Variants in AKT3 observed in about 807,000 individuals in gnomAD.
The protein encoded by AKT3 is RAC-gamma serine/threonine-protein kinase.
AKT3 carries 15 observed loss-of-function variants against 65.3 expected under a neutral mutation model. That is an observed-to-expected ratio of 0.23 (90% CI 0.15 to 0.35). The LOEUF is 0.35. AKT3 is among the 10% of genes least tolerant of loss of function. The probability of loss-of-function intolerance (pLI) is 1.00; values close to 1 mark genes in which losing one functional copy is unlikely to be tolerated. For synonymous variants in AKT3, 206 were observed against 183.8 expected, an observed-to-expected ratio of 1.12 and a Z score of -0.98; for missense variants, 243 against 576.5, an observed-to-expected ratio of 0.42 and a Z score of 5.92.
chr1:243,832,661 C>T (rs1466665401), intron 2 of AKT3, among the ~76,000 whole-genome samples: 1 of 152,158 alleles, frequency 6.6e-6, no homozygotes, highest in Admixed American at 6.5e-5. Context: ...GGCGCTCTCC[C>T]ATTCCTTGAA....
At chr1:243,824,015 A>G (rs1364764038) in intron 2 of AKT3, among the ~76,000 whole-genome samples, 1 of 152,234 alleles carries the variant, frequency 6.6e-6, no homozygotes, top group Admixed American at 6.5e-5. Flanking sequence ...ACTATACTAC[A>G]TGGCTACAGA....
In AKT3 at chr1:243,625,753, T is replaced by A. The variant is rs114664059; in HGVS notation, c.562-10592A>T. Among the ~76,000 whole-genome samples the A allele has an allele frequency of 2.7e-3, 405 of 152,258 alleles. 1 individual carries two copies. Among genetic ancestry groups the A allele is most frequent in the African/African-American group, 9.0e-3 (376 of 41,566 alleles). ...TAAGAAAATAGATTGTGAGAGTGAC[T>A]AACTTGGGAGCAGTATCTTTGATTC... On this transcript the variant is annotated intron_variant, in intron 6 of 13. Coordinates refer to ENST00000673466, the MANE Select transcript of AKT3 (RefSeq NM_005465.7).
At chr1:243,843,634 C>A in intron 1 of AKT3, 1 of 879,570 alleles carries the variant, frequency 1.1e-6, no homozygotes, top group Non-Finnish European at 1.4e-6. Context: ...CCTGTAATTT[C>A]AGAAGCAATT....
At chr1:243,656,103 C>T (rs77474505) in intron 4 of AKT3, among the ~76,000 whole-genome samples, 178 of 17,224 alleles carry the variant, frequency 0.01, no homozygotes, top group Middle Eastern at 0.083. Flanking sequence ...GAGGGTGTGG[C>T]GGGGGGGTGT....
At chr1:243,825,223 A>C (rs373553523) in intron 2 of AKT3, among the ~76,000 whole-genome samples, 1 of 152,192 alleles carries the variant, frequency 6.6e-6, no homozygotes, top group South Asian at 2.1e-4. Context: ...GGACACAGGG[A>C]GTGGAACAAC....
At chr1:243,838,531 A>G (rs947747051) in intron 2 of AKT3, among the ~76,000 whole-genome samples, 4 of 152,212 alleles carry the variant, frequency 2.6e-5, no homozygotes, top group African/African-American at 9.6e-5. Flanking sequence ...AGGAGAAGAA[A>G]AGACCCCTGG....
chr1:243,695,531 A>G, intron 3 of AKT3, 60 bp downstream of exon 3: 2 of 1,459,480 alleles, frequency 1.4e-6, no homozygotes, highest in Non-Finnish European at 1.8e-6. Context: ...AAGATATCTG[A>G]CACATAAAAT....
intron 2 of AKT3, among the ~76,000 whole-genome samples, chr1:243,795,483 T>TA: frequency 7.3e-6 from 1 of 136,738 alleles, no homozygotes; most frequent in Non-Finnish European, 1.6e-5. Flanking sequence ...TTGGTTTTTT[T>TA]TTTTTTGAGA....
At position 243,504,122 on chromosome 1, in the gene AKT3, C is replaced by T. The variant is rs1253512958; in HGVS notation, c.*1127G>A. On this transcript the variant is annotated 3_prime_UTR_variant, in exon 14 of 14. Transcript: ENST00000673466. ...AGAAAAAGTGCATGATTCTCATCAG[C>T]GTGTACAATCCTTGCACATGGGTCA... 5 of 220,024 alleles carry T rather than the reference C, an allele frequency of 2.3e-5. No individual in the cohort carries two copies. Among genetic ancestry groups the T allele is most frequent in the Non-Finnish European group, 2.7e-5 (3 of 109,600 alleles). The allele number at this position is 220,024 out of a possible 1,614,324, so 13.6% of individuals were successfully genotyped here. A position where few individuals can be genotyped will look rare whatever the true frequency, so the allele number is the denominator to read the frequency against.
chr1:243,656,784 T>C (rs1016493814), intron 4 of AKT3, among the ~76,000 whole-genome samples: 5 of 152,210 alleles, frequency 3.3e-5, no homozygotes, highest in Non-Finnish European at 5.9e-5. Context: ...AGTGTGAGTG[T>C]CGTGGCCATG....
chr1:243,665,250 C>T (rs1682685289), intron 3 of AKT3, among the ~76,000 whole-genome samples: 1 of 152,158 alleles, frequency 6.6e-6, no homozygotes, highest in South Asian at 2.1e-4. Context: ...AGGTCCAGAT[C>T]AAATATTATT....
chr1:243,735,847 T>G (rs953643915), intron 2 of AKT3: 2 of 152,188 alleles, frequency 1.3e-5, no homozygotes, highest in Non-Finnish European at 2.9e-5. Context: ...ATAAATAGAA[T>G]GGGAGAATGA....
intron 2 of AKT3, among the ~76,000 whole-genome samples, chr1:243,786,309 TC>T (rs1320427697): frequency 6.6e-6 from 1 of 152,210 alleles, no homozygotes; most frequent in Non-Finnish European, 1.5e-5. Context: ...AATCCAGTCA[TC>T]CCATAATTTT....
At chr1:243,729,941 T>C (rs1254619962) in intron 2 of AKT3, among the ~76,000 whole-genome samples, 1 of 152,196 alleles carries the variant, frequency 6.6e-6, no homozygotes, top group Non-Finnish European at 1.5e-5. Flanking sequence ...CTTTAAATAT[T>C]TGTGTATTTC....
intron 8 of AKT3, among the ~76,000 whole-genome samples, chr1:243,579,574 G>A (rs1237604869): frequency 3.9e-5 from 6 of 152,164 alleles, no homozygotes; most frequent in African/African-American, 1.2e-4. Context: ...AAGAGAATGT[G>A]AAGGTAGAAA....
chr1:243,537,099 C>G (rs1049655539), intron 12 of AKT3, among the ~76,000 whole-genome samples: 1 of 152,240 alleles, frequency 6.6e-6, no homozygotes, highest in African/African-American at 2.4e-5. Context: ...AACTCTGGCA[C>G]GATGCTTCAC....
intron 2 of AKT3, among the ~76,000 whole-genome samples, chr1:243,842,641 T>C (rs1334257208): frequency 6.6e-6 from 1 of 152,222 alleles, no homozygotes; most frequent in Non-Finnish European, 1.5e-5. Flanking sequence ...GTCAGGACTT[T>C]ACTTACCAAA....
chr1:243,489,062 G>A (rs777427404), intron 13 of AKT3: 1 of 1,613,454 alleles, frequency 6.2e-7, no homozygotes. Flanking sequence ...AGCAGCTGGT[G>A]CAGCTCCTCA....
intron 3 of AKT3, among the ~76,000 whole-genome samples, chr1:243,693,415 T>C (rs1684854099): frequency 6.6e-6 from 1 of 151,254 alleles, no homozygotes; most frequent in Non-Finnish European, 1.5e-5. Context: ...CAATTGTTCC[T>C]TCCTTAATTC....
Sources: gnomAD v4.1 joint callset for allele counts (sites outside exome capture counted in the v4.1 genomes callset) on GRCh38, gnomAD v4.1.1 for gene constraint, MANE v1.5 for transcripts, NCBI Gene and HGNC (gene_info 2026-07-23, HGNC 2026-07-21) for gene names.